The following NFIX variants were observed in gnomAD, a reference collection of about 807,000 sequenced individuals.
NFIX encodes the protein nuclear factor 1 X-type.
A neutral mutation model predicts 53.3 loss-of-function variants in NFIX; 2 were observed. That is an observed-to-expected ratio of 0.04 (90% CI 0.02 to 0.12). The LOEUF is 0.12. NFIX is among the 10% of genes least tolerant of loss of function. The pLI, the probability that NFIX is intolerant of heterozygous loss-of-function variation, is 1.00. For synonymous variants in NFIX, 244 were observed against 289.0 expected, an observed-to-expected ratio of 0.84 and a Z score of 1.58; for missense variants, 310 against 674.5, an observed-to-expected ratio of 0.46 and a Z score of 5.99.
chr19:13,047,325 T>A (rs1376960284), intron 2 of NFIX, among the ~76,000 whole-genome samples: 1 of 152,074 alleles, frequency 6.6e-6, no homozygotes, highest in Non-Finnish European at 1.5e-5. Flanking sequence ...ATGATTTGAT[T>A]TACAGCAAAC....
chr19:13,053,526 C>T (rs1343723916), intron 2 of NFIX, among the ~76,000 whole-genome samples: 6 of 152,094 alleles, frequency 3.9e-5, no homozygotes, highest in Admixed American at 2.0e-4. Context: ...ACTCTGGTGC[C>T]CTCAGACAGT....
At position 12,998,811 on chromosome 19, in the gene NFIX, C is replaced by T. The variant is rs1386459679; in HGVS notation, c.27+2947C>T. Among the ~76,000 whole-genome samples the T allele has an allele frequency of 6.6e-6, 1 of 152,180 alleles. No individual in the cohort carries two copies. The highest frequency in any genetic ancestry group is 1.5e-5 in the Non-Finnish European group (1 of 68,044). The stretch of plus-strand genomic sequence containing the variant: ...CACACACCCATTAACACACACGCAC[C>T]TCTTGAAATGGGACACGTATATTGG... On this transcript the variant is annotated intron_variant, in intron 1 of 10. Coordinates refer to ENST00000592199, the MANE Select transcript of NFIX (RefSeq NM_001365902.3). This position sits in a 1 kb window ranked among gnomAD's most constrained non-coding sequence, Gnocchi z 4.4.
At chr19:13,092,961 G>A (rs930925392) in intron 10 of NFIX, among the ~76,000 whole-genome samples, 1 of 152,246 alleles carries the variant, frequency 6.6e-6, no homozygotes, top group African/African-American at 2.4e-5. Flanking sequence ...TCTCTTGTGC[G>A]TACTGTCCAG....
Position 13,072,716 on chromosome 19 carries a change from A to G in NFIX, c.560-331A>G, listed in dbSNP as rs546211174. Among the ~76,000 whole-genome samples, 12 of 152,294 alleles carry G rather than the reference A, an allele frequency of 7.9e-5. No individual in the cohort carries two copies. The highest frequency in any genetic ancestry group is 7.4e-5 in the Non-Finnish European group (5 of 68,024). The stretch of plus-strand genomic sequence containing the variant: ...TCTTGGGACAGTTTGGGTTGTCACA[A>G]CTGGGGTGCTACTGTCATCTAGTGG... On this transcript the variant is annotated intron_variant, in intron 2 of 10. Coordinates refer to ENST00000592199, the MANE Select transcript of NFIX (RefSeq NM_001365902.3). The surrounding 1 kb of genome is among the most constrained non-coding windows in gnomAD (Gnocchi z 4.0).
chr19:13,008,801 G>A (rs2012165459), intron 1 of NFIX, among the ~76,000 whole-genome samples: 1 of 152,190 alleles, frequency 6.6e-6, no homozygotes, highest in Admixed American at 6.5e-5. Flanking sequence ...TACTTGAGCT[G>A]ACACAGTAGG....
chr19:13,066,982 C>T lies in NFIX; in HGVS notation c.560-6065C>T, dbSNP rs1186479125. ...GTCCCCTTAGCCCCCCATCTATCCACCGTTCCCCTCCTCAGGGTGTCTCAG... is the reference window on the plus strand; with the variant it reads ...GTCCCCTTAGCCCCCCATCTATCCATCGTTCCCCTCCTCAGGGTGTCTCAG... On this transcript the variant is annotated intron_variant, in intron 2 of 10. Transcript: ENST00000592199. This position sits in a 1 kb window ranked among gnomAD's most constrained non-coding sequence, Gnocchi z 4.2. 6.6e-6 allele frequency among the ~76,000 whole-genome samples: 1 copy of T among 152,196 alleles called. No homozygotes were observed. The highest frequency in any genetic ancestry group is 2.4e-5 in the African/African-American group (1 of 41,436).
Position 13,068,365 on chromosome 19 carries a change from G to C in NFIX, c.560-4682G>C, listed in dbSNP as rs571280119. On this transcript the variant is annotated intron_variant, in intron 2 of 10. Transcript: ENST00000592199. The surrounding 1 kb of genome is among the most constrained non-coding windows in gnomAD (Gnocchi z 4.2). ...GACAGGGAAGTAAGATCAGAAATGG[G>C]GATCCAAGGGGAAAGGCAGCTGAAT... 3.9e-5 allele frequency among the ~76,000 whole-genome samples: 6 copies of C among 152,296 alleles called. No individual in the cohort carries two copies. Among genetic ancestry groups the C allele is most frequent in the East Asian group, 3.9e-4 (2 of 5,176 alleles).
At position 13,072,084 on chromosome 19, in the gene NFIX, C is replaced by T. The variant is rs942568867; in HGVS notation, c.560-963C>T. 2.0e-5 allele frequency among the ~76,000 whole-genome samples: 3 copies of T among 152,204 alleles called. No homozygotes were observed. The highest frequency in any genetic ancestry group is 6.5e-5 in the Admixed American group (1 of 15,286). On this transcript the variant is annotated intron_variant, in intron 2 of 10. Transcript: ENST00000592199. The surrounding 1 kb of genome is among the most constrained non-coding windows in gnomAD (Gnocchi z 4.0). Reference sequence around the variant, plus strand: ...GTGGTCCCCCTGTGAGCAGCTGATTCTTCACCAAATGCCTGGCTTCCTCCT... The same window carrying T: ...GTGGTCCCCCTGTGAGCAGCTGATTTTTCACCAAATGCCTGGCTTCCTCCT...
chr19:13,074,064 C>G, intron 5 of NFIX, 38 bp downstream of exon 5: 1 of 1,612,770 alleles, frequency 6.2e-7, no homozygotes, highest in Non-Finnish European at 8.5e-7. Flanking sequence ...CTTCTCTCCA[C>G]TCCCCCCAGG....
chr19:13,079,620 C>G (rs1352705757), intron 7 of NFIX, among the ~76,000 whole-genome samples: 1 of 152,040 alleles, frequency 6.6e-6, no homozygotes, highest in Non-Finnish European at 1.5e-5. Context: ...GGCCTCCTGG[C>G]TGGGAGCCCA....
intron 1 of NFIX, among the ~76,000 whole-genome samples, chr19:13,003,670 C>T (rs549049957): frequency 6.6e-6 from 1 of 152,156 alleles, no homozygotes; most frequent in East Asian, 1.9e-4. Context: ...GACAGACTGT[C>T]ATCTGTAGCC....
At chr19:13,085,114 A>T (rs1293402392) in intron 8 of NFIX, among the ~76,000 whole-genome samples, 1 of 151,350 alleles carries the variant, frequency 6.6e-6, no homozygotes, top group Non-Finnish European at 1.5e-5. Flanking sequence ...ACCACCTTCC[A>T]GGCTCCTTCT....
At chr19:13,018,828 C>G (rs746214266) in intron 1 of NFIX, among the ~76,000 whole-genome samples, 1 of 152,342 alleles carries the variant, frequency 6.6e-6, no homozygotes, top group South Asian at 2.1e-4. Flanking sequence ...CTCAGGGTTA[C>G]GAAGCCGGCT....
At position 13,034,234 on chromosome 19, in the gene NFIX, C is replaced by T. The variant is rs981824775; in HGVS notation, c.559+8682C>T. ...ACTCTCTAGAAGAGAGCCCAGCTTG[C>T]GGCTCAGCTCAAGGGCTCCCCCAGT... On this transcript the variant is annotated intron_variant, in intron 2 of 10. Coordinates refer to ENST00000592199, the MANE Select transcript of NFIX (RefSeq NM_001365902.3). Among the ~76,000 whole-genome samples, 5 of 152,296 alleles carry T rather than the reference C, an allele frequency of 3.3e-5. No homozygotes were observed. In the South Asian group the frequency reaches 6.2e-4, roughly 19 times the overall value.
In NFIX at chr19:13,014,111, C is replaced by G. The variant is rs935876741; in HGVS notation, c.28-10910C>G. On this transcript the variant is annotated intron_variant, in intron 1 of 10. Coordinates refer to ENST00000592199, the MANE Select transcript of NFIX (RefSeq NM_001365902.3). This position sits in a 1 kb window ranked among gnomAD's most constrained non-coding sequence, Gnocchi z 4.4. ...GAGTGAGAAATAACTCGTCTCTCCTCTCTCCTCTCCATTCAGCATTGTCTT... is the reference window on the plus strand; with the variant it reads ...GAGTGAGAAATAACTCGTCTCTCCTGTCTCCTCTCCATTCAGCATTGTCTT... 2 of 152,060 alleles carry G rather than the reference C, an allele frequency of 1.3e-5. No homozygotes were observed. The highest frequency in any genetic ancestry group is 4.8e-5 in the African/African-American group (2 of 41,394). 9.4% of individuals were successfully genotyped at this position (152,060 alleles called of 1,614,324 possible). A position where few individuals can be genotyped will look rare whatever the true frequency, so the allele number is the denominator to read the frequency against.
chr19:13,038,890 A>G (rs1339294613), intron 2 of NFIX, among the ~76,000 whole-genome samples: 1 of 152,178 alleles, frequency 6.6e-6, no homozygotes, highest in Non-Finnish European at 1.5e-5. Context: ...GTCAGGCCCA[A>G]CTTTTGAGTT....
In NFIX at chr19:13,043,333, C is replaced by G. The variant is rs1379202797; in HGVS notation, c.559+17781C>G. Among the ~76,000 whole-genome samples, 1 of 152,212 alleles carries G rather than the reference C, an allele frequency of 6.6e-6. No individual in the cohort carries two copies. Among genetic ancestry groups the G allele is most frequent in the Non-Finnish European group, 1.5e-5 (1 of 68,040 alleles). On this transcript the variant is annotated intron_variant, in intron 2 of 10. Coordinates refer to ENST00000592199, the MANE Select transcript of NFIX (RefSeq NM_001365902.3). The surrounding 1 kb of genome is among the most constrained non-coding windows in gnomAD (Gnocchi z 4.0). ...GGGGTCACCGTGGCATGGCAGTTTCCTCTCAGCTTCTGGCCTTGGGACTGC... is the reference window on the plus strand; with the variant it reads ...GGGGTCACCGTGGCATGGCAGTTTCGTCTCAGCTTCTGGCCTTGGGACTGC...
chr19:13,065,982 G>C (rs945468214), intron 2 of NFIX, among the ~76,000 whole-genome samples: 1 of 152,190 alleles, frequency 6.6e-6, no homozygotes, highest in Admixed American at 6.5e-5. Context: ...GGGCTGTGTG[G>C]CTGGAAGGCT....
intron 2 of NFIX, among the ~76,000 whole-genome samples, chr19:13,056,870 C>T (rs958231189): frequency 2.0e-5 from 3 of 152,370 alleles, no homozygotes; most frequent in Admixed American, 6.5e-5. Flanking sequence ...CCCAGCAGCC[C>T]ACTGGTTCAG....
Sources: allele counts gnomAD v4.1 joint callset (sites outside exome capture counted in the v4.1 genomes callset), GRCh38; gene constraint gnomAD v4.1.1; non-coding constraint Gnocchi (gnomAD v3.1); transcripts MANE v1.5; gene names NCBI Gene and HGNC (gene_info 2026-07-23, HGNC 2026-07-21).